The following ZNF382 variants were observed in gnomAD, a reference collection of about 807,000 sequenced individuals.
ZNF382 encodes the protein KRAB/zinc finger suppressor protein 1.
ZNF382 carries 20 observed loss-of-function variants against 38.8 expected under a neutral mutation model. The ratio of observed to expected loss-of-function variants is 0.51; its 90% CI spans 0.36 to 0.75. The LOEUF is 0.75. Among genes scored for constraint, ZNF382 ranks in the 30% least tolerant of loss-of-function variants. The pLI is 0.00. For synonymous variants in ZNF382, 202 were observed against 223.1 expected (o/e 0.91, Z 0.84); for missense variants, 546 against 654.1 (o/e 0.83, Z 1.80).
rs553838469 is a variant in ZNF382 at position 36,610,759 on chromosome 19, A to G, written c.232+17A>G. The G allele has an allele frequency of 5.7e-6, 9 of 1,573,444 alleles. No individual in the cohort carries two copies. The highest frequency in any genetic ancestry group is 7.8e-6 in the Non-Finnish European group (9 of 1,148,744). ...GCTACCTAGGTGAGTCTATAAATGAAGTCTAGTGAACATTAAATGTCAAGT... is the reference window on the plus strand; with the variant it reads ...GCTACCTAGGTGAGTCTATAAATGAGGTCTAGTGAACATTAAATGTCAAGT... On this transcript the variant is annotated intron_variant, in intron 4 of 4. Transcript: ENST00000292928.
In ZNF382 at chr19:36,631,457, G is replaced by A. The variant is rs142256405; in HGVS notation, c.*3907G>A. On this transcript the variant is annotated 3_prime_UTR_variant, in exon 5 of 5. Coordinates refer to ENST00000292928, the MANE Select transcript of ZNF382 (RefSeq NM_032825.5). ...GGCTGGTGTGCAGTGGTGTGATCTC[G>A]GCTCATTGCAACCTCCGCCTCCTGG... 336 of 150,110 alleles carry A rather than the reference G, an allele frequency of 2.2e-3. 2 individuals carry two copies. Among genetic ancestry groups the A allele is most frequent in the African/African-American group, 7.9e-3 (324 of 40,758 alleles). 9.3% of individuals were successfully genotyped at this position (150,110 alleles called of 1,614,324 possible).
Position 36,627,897 on chromosome 19 carries a change from T to A in ZNF382, c.*347T>A. The A allele has an allele frequency of 4.7e-6, 1 of 213,954 alleles. No individual in the cohort carries two copies. The highest frequency in any genetic ancestry group is 5.2e-5 in the Admixed American group (1 of 19,214). The allele number at this position is 213,954 out of a possible 1,614,324, so 13.3% of individuals were successfully genotyped here. ...TAGTTGGCCAACTGACTGTGGTCCA[T>A]GGACTACACAGTGAGTAGAGGTTCT... On this transcript the variant is annotated 3_prime_UTR_variant, in exon 5 of 5. Transcript: ENST00000292928.
Position 36,623,689 on chromosome 19 carries a change from G to A in ZNF382, c.233-2441G>A, listed in dbSNP as rs191603156. Among the ~76,000 whole-genome samples, 76 of 152,036 alleles carry A rather than the reference G, an allele frequency of 5.0e-4. No individual in the cohort carries two copies. The Middle Eastern group carries it at 0.01, about 20-fold the overall frequency. On this transcript the variant is annotated intron_variant, in intron 4 of 4. Coordinates refer to ENST00000292928, the MANE Select transcript of ZNF382 (RefSeq NM_032825.5). ...CACACCTGTAGTCCCAGCTACTCAGGAGGTCGAGGCATGAGAATCACTTGA... is the reference window on the plus strand; with the variant it reads ...CACACCTGTAGTCCCAGCTACTCAGAAGGTCGAGGCATGAGAATCACTTGA...
chr19:36,625,801 C>T (rs897084779), intron 4 of ZNF382, among the ~76,000 whole-genome samples: 2 of 152,108 alleles, frequency 1.3e-5, no homozygotes, highest in African/African-American at 2.4e-5. Flanking sequence ...TCAGGTGATC[C>T]GCCCGCCTTG....
At chr19:36,612,402 C>T (rs1281634900) in intron 4 of ZNF382, among the ~76,000 whole-genome samples, 3 of 152,210 alleles carry the variant, frequency 2.0e-5, no homozygotes, top group African/African-American at 4.8e-5. Flanking sequence ...ATGAACAAAG[C>T]TGCTATAATC....
intron 4 of ZNF382, among the ~76,000 whole-genome samples, chr19:36,617,635 G>A (rs2037135772): frequency 6.6e-6 from 1 of 152,144 alleles, no homozygotes; most frequent in Non-Finnish European, 1.5e-5. Context: ...AAGTACTGGG[G>A]AGAGAATGGG....
At chr19:36,614,401 A>C (rs941912611) in intron 4 of ZNF382, among the ~76,000 whole-genome samples, 2 of 152,132 alleles carry the variant, frequency 1.3e-5, no homozygotes. Flanking sequence ...TTCTTCTCAA[A>C]TTCATTTTGG....
At chr19:36,609,874 A>T in intron 2 of ZNF382, 28 bp from the exon 3 acceptor site, 3 of 1,561,426 alleles carry the variant, frequency 1.9e-6, no homozygotes, top group Non-Finnish European at 2.6e-6. Context: ...TCCAATATCT[A>T]GTTCTCACAC....
At chr19:36,617,893 A>G (rs1000908996) in intron 4 of ZNF382, among the ~76,000 whole-genome samples, 7 of 152,160 alleles carry the variant, frequency 4.6e-5, no homozygotes, top group African/African-American at 1.7e-4. Flanking sequence ...TTCGGTGGAC[A>G]TGCCCAAGGA....
Position 36,609,066 on chromosome 19 carries a change from T to A in ZNF382, c.-13-836T>A, listed in dbSNP as rs533878719. ...GTATTACCTCAAAACTTTTATCACATAACGTGTGTCAACTTATGTTTATTG... is the reference window on the plus strand; with the variant it reads ...GTATTACCTCAAAACTTTTATCACAAAACGTGTGTCAACTTATGTTTATTG... On this transcript the variant is annotated intron_variant, in intron 2 of 4. Transcript: ENST00000292928. 3.3e-5 allele frequency: 5 copies of A among 152,362 alleles called. No homozygotes were observed. The South Asian group carries it at 1.0e-3, about 32-fold the overall frequency. 9.4% of individuals were successfully genotyped at this position (152,362 alleles called of 1,614,324 possible). A position where few individuals can be genotyped will look rare whatever the true frequency, so the allele number is the denominator to read the frequency against.
chr19:36,611,835 G>C (rs1286159088), intron 4 of ZNF382, among the ~76,000 whole-genome samples: 2 of 152,054 alleles, frequency 1.3e-5, no homozygotes, highest in African/African-American at 4.8e-5. Flanking sequence ...CATCCTATTA[G>C]TGATCTATTT....
intron 4 of ZNF382, among the ~76,000 whole-genome samples, chr19:36,618,416 A>G (rs2037142511): frequency 6.6e-6 from 1 of 152,200 alleles, no homozygotes; most frequent in South Asian, 2.1e-4. Flanking sequence ...AGGATGGCTT[A>G]TGCCAACTTT....
intron 2 of ZNF382, among the ~76,000 whole-genome samples, chr19:36,608,266 G>A (rs1415021266): frequency 6.6e-6 from 1 of 152,312 alleles, no homozygotes; most frequent in East Asian, 1.9e-4. Flanking sequence ...CACGTTTTAT[G>A]TTCCTCCTCT....
chr19:36,619,983 G>A (rs552447459), intron 4 of ZNF382, among the ~76,000 whole-genome samples: 9 of 152,018 alleles, frequency 5.9e-5, no homozygotes, highest in African/African-American at 2.4e-5. Context: ...TGCCCGCCCC[G>A]GCCTCCCAAA....
chr19:36,606,225 AT>A (rs2037023613), intron 1 of ZNF382, among the ~76,000 whole-genome samples: 1 of 152,294 alleles, frequency 6.6e-6, no homozygotes, highest in Admixed American at 6.5e-5. Flanking sequence ...GATTTTCATA[AT>A]TCCCAGATTC....
intron 4 of ZNF382, among the ~76,000 whole-genome samples, chr19:36,621,408 C>G (rs1240920632): frequency 1.4e-5 from 2 of 144,304 alleles, no homozygotes; most frequent in Non-Finnish European, 3.0e-5. Context: ...TTAAATCCCT[C>G]TGTTTTCAAG....
intron 4 of ZNF382, among the ~76,000 whole-genome samples, chr19:36,617,953 G>T (rs1458374184): frequency 6.6e-6 from 1 of 152,158 alleles, no homozygotes; most frequent in Admixed American, 6.5e-5. Flanking sequence ...GTCCTGGGAT[G>T]CAGTCTTTAC....
intron 4 of ZNF382, among the ~76,000 whole-genome samples, chr19:36,618,626 G>A: frequency 6.6e-6 from 1 of 152,124 alleles, no homozygotes; most frequent in East Asian, 1.9e-4. Context: ...TTCTTTCAAA[G>A]ATTGCATCCA....
intron 4 of ZNF382, among the ~76,000 whole-genome samples, chr19:36,612,898 TCTC>T (rs1228913680): frequency 2.0e-5 from 3 of 152,140 alleles, no homozygotes; most frequent in Non-Finnish European, 4.4e-5. Flanking sequence ...TTCAAGCAAT[TCTC>T]CTGCCTCAGC....
Sources: allele counts gnomAD v4.1 joint callset (sites outside exome capture counted in the v4.1 genomes callset), GRCh38; gene constraint gnomAD v4.1.1; transcripts MANE v1.5; gene names NCBI Gene and HGNC (gene_info 2026-07-23, HGNC 2026-07-21).